The following DPY19L3 variants were observed in gnomAD, a reference collection of about 807,000 sequenced individuals.
DPY19L3 encodes the protein dpy-19 like C-mannosyltransferase 3, also known as protein C-mannosyl-transferase DPY19L3.
A neutral mutation model predicts 92.3 loss-of-function variants in DPY19L3; 51 were observed. That is an observed-to-expected ratio of 0.55 (90% CI 0.44 to 0.70). DPY19L3 has a LOEUF of 0.70. DPY19L3 is among the 30% of genes least tolerant of loss of function. The pLI, the probability that DPY19L3 is intolerant of heterozygous loss-of-function variation, is 0.00. For missense variants in DPY19L3, 706 were observed against 855.9 expected, an observed-to-expected ratio of 0.82 and a Z score of 2.18; for synonymous variants, 309 against 315.2, an observed-to-expected ratio of 0.98 and a Z score of 0.21.
At position 32,480,399 on chromosome 19, in the gene DPY19L3, GT is replaced by G. The variant is rs1568365048; in HGVS notation, c.1834del (p.Tyr612IlefsTer16). The G allele has an allele frequency of 6.2e-7, 1 of 1,605,248 alleles. No individual in the cohort carries two copies. ...DSSLRERTRA[V>X]YQIYAKRAPE... Reference sequence around the variant, plus strand: ...ATTGCATTTTTATGTCTTTTTGAAGGTTTATCAGATATATGCCAAGAGGGCA... The same window carrying G: ...ATTGCATTTTTATGTCTTTTTGAAGGTTATCAGATATATGCCAAGAGGGCA... On this transcript the variant is annotated frameshift_variant and splice_region_variant, in exon 18 of 19. Transcript: ENST00000392250. LOFTEE classifies it high-confidence loss of function.
intron 4 of DPY19L3, among the ~76,000 whole-genome samples, chr19:32,433,849 A>T (rs1969048940): frequency 6.6e-6 from 1 of 152,192 alleles, no homozygotes; most frequent in Non-Finnish European, 1.5e-5. Context: ...ATCCATAATA[A>T]GGGTAATTAA....
At chr19:32,454,822 A>C (rs1017153241) in intron 9 of DPY19L3, 117 bp from the exon 10 acceptor site, 1 of 619,568 alleles carries the variant, frequency 1.6e-6, no homozygotes, top group Non-Finnish European at 2.8e-6. Flanking sequence ...TTCCACATAT[A>C]TTTTCCCTTT....
At chr19:32,463,292 A>G (rs1303330759) in intron 12 of DPY19L3, 74 bp from the exon 13 acceptor site, 4 of 1,519,032 alleles carry the variant, frequency 2.6e-6, no homozygotes, top group Non-Finnish European at 3.6e-6. Context: ...CATTTCTTGT[A>G]TCTTCTTCTT....
chr19:32,460,298 C>G (rs779282284), intron 12 of DPY19L3, among the ~76,000 whole-genome samples: 9 of 152,038 alleles, frequency 5.9e-5, no homozygotes, highest in Non-Finnish European at 1.2e-4. Flanking sequence ...GTAGTGCTAA[C>G]AAGTCGGGAG....
chr19:32,409,441 C>A (rs1443467746), intron 2 of DPY19L3, among the ~76,000 whole-genome samples: 1 of 152,140 alleles, frequency 6.6e-6, no homozygotes, highest in Non-Finnish European at 1.5e-5. Context: ...GGTTTTCTTA[C>A]CATTTGCTAA....
chr19:32,431,341 G>T (rs193050184), intron 3 of DPY19L3, among the ~76,000 whole-genome samples: 1 of 150,936 alleles, frequency 6.6e-6, no homozygotes, highest in African/African-American at 2.4e-5. Flanking sequence ...TCGCACCATT[G>T]CACTCCAGCC....
intron 4 of DPY19L3, among the ~76,000 whole-genome samples, chr19:32,436,166 T>A (rs1969131390): frequency 6.6e-6 from 1 of 152,238 alleles, no homozygotes; most frequent in Non-Finnish European, 1.5e-5. Context: ...GAAATCCTCT[T>A]GCCCACATTT....
intron 17 of DPY19L3, among the ~76,000 whole-genome samples, chr19:32,479,055 T>C (rs965702633): frequency 6.6e-6 from 1 of 152,190 alleles, no homozygotes; most frequent in African/African-American, 2.4e-5. Context: ...GGTTTCAAAC[T>C]CATAAATGTT....
chr19:32,418,021 G>A (rs956671899), intron 3 of DPY19L3, among the ~76,000 whole-genome samples: 8 of 152,234 alleles, frequency 5.3e-5, no homozygotes, highest in Admixed American at 3.9e-4. Flanking sequence ...TTGGAAATGG[G>A]CATTTTCATC....
At chr19:32,415,573 T>C (rs1968351858) in intron 3 of DPY19L3, among the ~76,000 whole-genome samples, 1 of 152,196 alleles carries the variant, frequency 6.6e-6, no homozygotes, top group Non-Finnish European at 1.5e-5. Flanking sequence ...CTATTTTTAG[T>C]AGAGGCAGCG....
At chr19:32,450,613 A>G (rs1969668692) in intron 8 of DPY19L3, among the ~76,000 whole-genome samples, 3 of 152,208 alleles carry the variant, frequency 2.0e-5, no homozygotes, top group Non-Finnish European at 4.4e-5. Flanking sequence ...AAGAGAAGAT[A>G]GCTAAAAAGA....
chr19:32,460,119 A>G (rs189358928), intron 12 of DPY19L3, among the ~76,000 whole-genome samples: 1 of 152,286 alleles, frequency 6.6e-6, no homozygotes, highest in African/African-American at 2.4e-5. Flanking sequence ...GGTACAGTAA[A>G]AATATAAAGG....
At chr19:32,438,986 T>G in intron 6 of DPY19L3, 126 bp from the exon 7 acceptor site, 2 of 961,380 alleles carry the variant, frequency 2.1e-6, no homozygotes, top group Non-Finnish European at 3.1e-6. Context: ...GGACAATTAT[T>G]GAGAACCAGT....
At chr19:32,450,045 T>G (rs891165174) in intron 8 of DPY19L3, among the ~76,000 whole-genome samples, 1 of 152,198 alleles carries the variant, frequency 6.6e-6, no homozygotes, top group Middle Eastern at 3.2e-3. Context: ...TGAAGAACTC[T>G]TATAACTCTT....
At chr19:32,440,727 C>T (rs1254589390) in intron 8 of DPY19L3, among the ~76,000 whole-genome samples, 1 of 152,184 alleles carries the variant, frequency 6.6e-6, no homozygotes, top group Non-Finnish European at 1.5e-5. Context: ...AATTCATTGT[C>T]ATAGCCACAG....
At chr19:32,420,276 G>A (rs552082563) in intron 3 of DPY19L3, among the ~76,000 whole-genome samples, 1 of 152,204 alleles carries the variant, frequency 6.6e-6, no homozygotes, top group South Asian at 2.1e-4. Context: ...GGGGTATGGG[G>A]TAGGCAGAGG....
At chr19:32,441,323 T>A (rs763497103) in intron 8 of DPY19L3, among the ~76,000 whole-genome samples, 22 of 152,196 alleles carry the variant, frequency 1.4e-4, no homozygotes, top group Non-Finnish European at 2.8e-4. Flanking sequence ...AAATATTATA[T>A]AACCATTAGT....
At chr19:32,406,919 G>GT (rs1967975863) in intron 1 of DPY19L3, among the ~76,000 whole-genome samples, 1 of 151,018 alleles carries the variant, frequency 6.6e-6, no homozygotes, top group Non-Finnish European at 1.5e-5. Context: ...GTAGGACTTT[G>GT]TTAAACACTC....
intron 17 of DPY19L3, 66 bp from the exon 18 acceptor site, chr19:32,480,333 T>C: frequency 6.5e-7 from 1 of 1,540,450 alleles, no homozygotes; most frequent in South Asian, 1.3e-5. Context: ...GAAGGTTACA[T>C]CACATAGTTA....
Sources: allele counts gnomAD v4.1 joint callset (sites outside exome capture counted in the v4.1 genomes callset), GRCh38; gene constraint gnomAD v4.1.1; transcripts MANE v1.5; gene names NCBI Gene and HGNC (gene_info 2026-07-23, HGNC 2026-07-21).